DACH1: variants seen among roughly 807,000 people sequenced by gnomAD.
The protein encoded by DACH1 is dachshund family transcription factor 1.
DACH1 carries 12 observed loss-of-function variants against 54.2 expected under a neutral mutation model. The observed-to-expected ratio is 0.22, with a 90% CI of 0.14 to 0.36. DACH1 has a LOEUF of 0.36. DACH1 is among the 10% of genes least tolerant of loss of function. DACH1 has a pLI of 1.00. For synonymous variants in DACH1, 386 were observed against 366.2 expected, an observed-to-expected ratio of 1.05 and a Z score of -0.62; for missense variants, 805 against 929.8, an observed-to-expected ratio of 0.87 and a Z score of 1.75.
chr13:71,796,576 C>A (rs1887060212), intron 1 of DACH1, among the ~76,000 whole-genome samples: 1 of 151,998 alleles, frequency 6.6e-6, no homozygotes, highest in East Asian at 1.9e-4. Context: ...TCTCCCAAGG[C>A]ATGTTTATGA....
chr13:71,685,872 A>G (rs1008871934), intron 1 of DACH1, among the ~76,000 whole-genome samples: 1 of 152,196 alleles, frequency 6.6e-6, no homozygotes, highest in Non-Finnish European at 1.5e-5. Context: ...AAACTTGATT[A>G]AATCAGGATT....
intron 1 of DACH1, among the ~76,000 whole-genome samples, chr13:71,808,851 T>A (rs568155111): frequency 6.6e-6 from 1 of 152,304 alleles, no homozygotes; most frequent in Admixed American, 6.5e-5. Context: ...AATCAAAAAC[T>A]ATCACTCAAC....
In DACH1 at chr13:71,528,159, T is replaced by C. The variant is rs139062495; in HGVS notation, c.1570+28865A>G. Among the ~76,000 whole-genome samples the C allele has an allele frequency of 1.1e-4, 16 of 152,300 alleles. No homozygotes were observed. The East Asian group carries it at 2.1e-3, about 20-fold the overall frequency. On this transcript the variant is annotated intron_variant, in intron 6 of 10. Transcript: ENST00000613252. ...ATAGAAGGAAAGAAATATGTTGTTG[T>C]GTTTTTCAAAGATGACACACCGTAT...
At chr13:71,796,435 T>C (rs1887054104) in intron 1 of DACH1, among the ~76,000 whole-genome samples, 6 of 152,108 alleles carry the variant, frequency 3.9e-5, no homozygotes, top group Admixed American at 3.9e-4. Context: ...TCTACAAATT[T>C]GGCTGGTGAC....
intron 10 of DACH1, among the ~76,000 whole-genome samples, chr13:71,470,045 T>C (rs893327432): frequency 4.5e-4 from 68 of 152,340 alleles, no homozygotes; most frequent in African/African-American, 1.5e-3. Flanking sequence ...TTTTAACAAT[T>C]ATTTTTCTTG....
intron 1 of DACH1, among the ~76,000 whole-genome samples, chr13:71,826,939 G>A (rs1260754413): frequency 6.6e-6 from 1 of 152,002 alleles, no homozygotes; most frequent in Admixed American, 6.6e-5. Flanking sequence ...TCTTCCGAAA[G>A]CTTTACAATT....
rs150263234 is a variant in DACH1, at chr13:71,535,625, G to T, written c.1570+21399C>A. Among the ~76,000 whole-genome samples, 902 of 151,950 alleles carry T rather than the reference G, an allele frequency of 5.9e-3. 10 individuals are homozygous for T. Among genetic ancestry groups the T allele is most frequent in the Non-Finnish European group, 9.4e-3 (638 of 67,864 alleles). Reference sequence around the variant, plus strand: ...CCCCCCAAGACACTGCTTTGATGCTGAATTTATTTTCCATACAAATATTTA... The same window carrying T: ...CCCCCCAAGACACTGCTTTGATGCTTAATTTATTTTCCATACAAATATTTA... On this transcript the variant is annotated intron_variant, in intron 6 of 10. Coordinates refer to ENST00000613252, the MANE Select transcript of DACH1 (RefSeq NM_080759.6).
In DACH1 at chr13:71,715,552, G is replaced by A. The variant is rs555863980; in HGVS notation, c.849-33642C>T. Among the ~76,000 whole-genome samples, 16 of 151,936 alleles carry A rather than the reference G, an allele frequency of 1.1e-4. No individual in the cohort carries two copies. The East Asian group carries it at 2.7e-3, about 26-fold the overall frequency. ...ACTCAATGTCACTATTCTTCCTCCT[G>A]CCCTGCCTGATTTCTCTGAGTAAAA... On this transcript the variant is annotated intron_variant, in intron 1 of 10. Coordinates refer to ENST00000613252, the MANE Select transcript of DACH1 (RefSeq NM_080759.6).
chr13:71,563,760 C>G (rs1358091929), intron 4 of DACH1, among the ~76,000 whole-genome samples: 1 of 151,334 alleles, frequency 6.6e-6, no homozygotes, highest in Non-Finnish European at 1.5e-5. Context: ...TTTAATTTAC[C>G]TTTAACTTAG....
intron 2 of DACH1, among the ~76,000 whole-genome samples, chr13:71,681,477 G>C (rs1880890907): frequency 6.6e-6 from 1 of 152,164 alleles, no homozygotes; most frequent in African/African-American, 2.4e-5. Flanking sequence ...GAGTGACCTT[G>C]AGAAAGTCAC....
chr13:71,621,613 A>G (rs1876239873), intron 3 of DACH1, among the ~76,000 whole-genome samples: 1 of 152,056 alleles, frequency 6.6e-6, no homozygotes, highest in Admixed American at 6.6e-5. Flanking sequence ...CATAGAAAAA[A>G]ATCATTTACC....
intron 7 of DACH1, among the ~76,000 whole-genome samples, chr13:71,484,626 C>G (rs1178004496): frequency 4.6e-5 from 7 of 152,160 alleles, no homozygotes; most frequent in Non-Finnish European, 1.0e-4. Context: ...TTTATATTCT[C>G]TACTTAAACT....
At chr13:71,571,867 C>T (rs1885229333) in intron 4 of DACH1, among the ~76,000 whole-genome samples, 1 of 151,836 alleles carries the variant, frequency 6.6e-6, no homozygotes, top group Non-Finnish European at 1.5e-5. Context: ...TTCCGAGTAG[C>T]TGGGACTACA....
At chr13:71,472,212 C>T (rs892019050) in intron 10 of DACH1, among the ~76,000 whole-genome samples, 3 of 152,128 alleles carry the variant, frequency 2.0e-5, no homozygotes, top group African/African-American at 7.2e-5. Context: ...TGAAAATCAG[C>T]AATAAAGAAT....
intron 3 of DACH1, among the ~76,000 whole-genome samples, chr13:71,588,786 G>C (rs1053956068): frequency 1.3e-5 from 2 of 151,428 alleles, no homozygotes; most frequent in Non-Finnish European, 3.0e-5. Context: ...TAATTTTACT[G>C]TGTGAAGATA....
intron 1 of DACH1, among the ~76,000 whole-genome samples, chr13:71,835,691 G>A (rs1161430600): frequency 6.6e-6 from 1 of 151,952 alleles, no homozygotes; most frequent in Non-Finnish European, 1.5e-5. Context: ...TATTGTTTCT[G>A]TTTATTCTCA....
rs1877914907 is a variant in DACH1 at position 71,480,272 on chromosome 13, C to T, written c.1723-956G>A. On this transcript the variant is annotated intron_variant, in intron 7 of 10. Coordinates refer to ENST00000613252, the MANE Select transcript of DACH1 (RefSeq NM_080759.6). ...GTGCATTACTTTTTAAAAAGCCATTCAAGATGGTTGTAATAAACTCAGGAT... is the reference window on the plus strand; with the variant it reads ...GTGCATTACTTTTTAAAAAGCCATTTAAGATGGTTGTAATAAACTCAGGAT... 2.6e-5 allele frequency among the ~76,000 whole-genome samples: 4 copies of T among 152,144 alleles called. No individual in the cohort carries two copies. In the South Asian group the frequency reaches 8.3e-4, roughly 32 times the overall value.
intron 1 of DACH1, among the ~76,000 whole-genome samples, chr13:71,824,162 G>A (rs1332074583): frequency 6.6e-6 from 1 of 151,748 alleles, no homozygotes; most frequent in Non-Finnish European, 1.5e-5. Context: ...TGTCTACAAT[G>A]AGCCAAGATT....
At chr13:71,828,772 C>T (rs533672397) in intron 1 of DACH1, among the ~76,000 whole-genome samples, 34 of 152,056 alleles carry the variant, frequency 2.2e-4, no homozygotes, top group African/African-American at 5.5e-4. Flanking sequence ...GAGTAACCCA[C>T]TCTTCCTCAC....
Sources: gnomAD v4.1 joint callset for allele counts (sites outside exome capture counted in the v4.1 genomes callset) on GRCh38, gnomAD v4.1.1 for gene constraint, MANE v1.5 for transcripts, NCBI Gene and HGNC (gene_info 2026-07-23, HGNC 2026-07-21) for gene names.